The following RIN2 variants were observed in gnomAD, a reference collection of about 807,000 sequenced individuals.
RIN2 encodes RAB5 interacting protein 2.
Under a neutral mutation model 78.0 loss-of-function variants are expected in RIN2, and 36 were observed. The observed-to-expected ratio is 0.46, with a 90% CI of 0.35 to 0.61. The LOEUF (loss-of-function observed/expected upper bound fraction) is 0.61. RIN2 is among the 20% of genes least tolerant of loss of function. RIN2 has a pLI of 0.00. For synonymous variants in RIN2, 466 were observed against 466.8 expected, an observed-to-expected ratio of 1.00 and a Z score of 0.02; for missense variants, 1,087 against 1,159.7, an observed-to-expected ratio of 0.94 and a Z score of 0.91.
chr20:19,977,832 G>T lies in RIN2; in HGVS notation c.1762+2045G>T, dbSNP rs549290685. Among the ~76,000 whole-genome samples, 3 of 152,252 alleles carry T rather than the reference G, an allele frequency of 2.0e-5. No homozygotes were observed. In the South Asian group the frequency reaches 6.2e-4, roughly 32 times the overall value. On this transcript the variant is annotated intron_variant, in intron 9 of 12. Transcript: ENST00000255006. ...ATATGGCCTCCACAAGCATTGCCAT[G>T]CTTTTTCTGTGGGTTTGTTTGGTTT...
intron 2 of RIN2, among the ~76,000 whole-genome samples, chr20:19,863,312 C>T (rs1432784216): frequency 4.6e-5 from 7 of 152,168 alleles, no homozygotes; most frequent in Admixed American, 6.5e-5. Context: ...AGATGTTGTG[C>T]GTTACATGAA....
chr20:19,797,661 CTGTG>C (rs1017645130), intron 1 of RIN2, among the ~76,000 whole-genome samples: 1 of 152,058 alleles, frequency 6.6e-6, no homozygotes, highest in African/African-American at 2.4e-5. Flanking sequence ...GTAGTCCTAT[CTGTG>C]TGTGAAGCAG....
At chr20:19,797,745 C>T (rs1478191076) in intron 1 of RIN2, among the ~76,000 whole-genome samples, 1 of 152,046 alleles carries the variant, frequency 6.6e-6, no homozygotes, top group African/African-American at 2.4e-5. Context: ...TTAAATGATT[C>T]CTGAAAAATG....
At chr20:19,914,217 C>G (rs1297096833) in intron 3 of RIN2, among the ~76,000 whole-genome samples, 1 of 152,160 alleles carries the variant, frequency 6.6e-6, no homozygotes, top group Non-Finnish European at 1.5e-5. Flanking sequence ...TTCTTATTGT[C>G]TGTCTCATTT....
intron 2 of RIN2, among the ~76,000 whole-genome samples, chr20:19,844,669 C>CTTCTTCTTCCTCTT (rs1232176696): frequency 2.5e-4 from 19 of 76,244 alleles, no homozygotes; most frequent in African/African-American, 1.2e-3. Flanking sequence ...TCTTCTTCTT[C>CTTCTTCTTCCTCTT]CTTCTTCTTC....
intron 1 of RIN2, among the ~76,000 whole-genome samples, chr20:19,765,490 C>G (rs1264503324): frequency 6.6e-6 from 1 of 152,136 alleles, no homozygotes; most frequent in Non-Finnish European, 1.5e-5. Flanking sequence ...TTCATTTGCA[C>G]TCATGTGTGT....
In RIN2 at chr20:20,000,766, G is replaced by A. The variant is rs188424417; in HGVS notation, c.2518G>A (p.Val840Ile). Residue 840 changes from valine (V) to isoleucine (I), a missense_variant, in exon 13 of 13, where the codon GTT (valine) becomes ATT (isoleucine). This residue lies in a region of RIN2 where 160 missense variants were observed against 179.4 expected (regional missense o/e 0.89). Transcript: ENST00000255006. Reference sequence around the variant, plus strand: ...TGAGGAGTACAGCCTCTTTCTCTTCGTTGACGAGACATGGCAGCAGCTGGC... The same window carrying A: ...TGAGGAGTACAGCCTCTTTCTCTTCATTGACGAGACATGGCAGCAGCTGGC... ...DPEEYSLFLF[V>I]DETWQQLAED... 189 of 1,613,922 alleles carry A rather than the reference G, an allele frequency of 1.2e-4. No homozygotes were observed. Among genetic ancestry groups the A allele is most frequent in the Admixed American group, 3.8e-4 (23 of 60,010 alleles).
In RIN2 at chr20:19,822,545, C is replaced by T. The variant is rs184527850; in HGVS notation, c.-37+22798C>T. On this transcript the variant is annotated intron_variant, in intron 2 of 12. Transcript: ENST00000255006. ...CTGATCCCCTCCAAATGTCTTCATT[C>T]CATCCGGTATTAGAATTACTTACAG... Among the ~76,000 whole-genome samples, 1,072 of 152,248 alleles carry T rather than the reference C, an allele frequency of 7.0e-3. 5 individuals carry two copies. The highest frequency in any genetic ancestry group is 0.012 in the Non-Finnish European group (802 of 68,018).
chr20:19,974,949 ACCCAGG>A lies in RIN2; in HGVS notation c.928_933del (p.Arg310_Pro311del). On this transcript the variant is annotated inframe_deletion, in exon 9 of 13. Coordinates refer to ENST00000255006, the MANE Select transcript of RIN2 (RefSeq NM_018993.4). ...GCACGGAGCGGACTCGGTCCCCCCC[ACCCAGG>A]CCCCCGCCACCCGCTATTAATAGTC... 1.0e-5 allele frequency: 7 copies of A among 677,276 alleles called. No homozygotes were observed. Among genetic ancestry groups the A allele is most frequent in the Non-Finnish European group, 1.4e-5 (7 of 486,898 alleles). 42.0% of individuals were successfully genotyped at this position (677,276 alleles called of 1,614,324 possible). A position where few individuals can be genotyped will look rare whatever the true frequency, so the allele number is the denominator to read the frequency against.
At chr20:19,844,703 CTTCTTCTTCTTCTT>C (rs2036722738) in intron 2 of RIN2, among the ~76,000 whole-genome samples, 1 of 11,530 alleles carries the variant, frequency 8.7e-5, no homozygotes, top group Non-Finnish European at 2.4e-4. Flanking sequence ...TCTTCCTCTT[CTTCTTCTTCTTCTT>C]CTTCTTCTTC....
chr20:19,948,596 T>TG (rs1343497870), intron 4 of RIN2, among the ~76,000 whole-genome samples: 1 of 152,072 alleles, frequency 6.6e-6, no homozygotes, highest in Non-Finnish European at 1.5e-5. Flanking sequence ...GGTTTCACCA[T>TG]GTTGGCCAGG....
intron 2 of RIN2, among the ~76,000 whole-genome samples, chr20:19,856,624 A>AGAAGGAAG (rs369374955): frequency 6.7e-6 from 1 of 149,282 alleles, no homozygotes; most frequent in African/African-American, 2.5e-5. Flanking sequence ...AAGGAAGGAA[A>AGAAGGAAG]GAAGGAAGGA....
At chr20:19,921,463 C>T (rs1202925293) in intron 3 of RIN2, among the ~76,000 whole-genome samples, 1 of 152,150 alleles carries the variant, frequency 6.6e-6, no homozygotes, top group Admixed American at 6.5e-5. Context: ...GAGAAGTCAC[C>T]AAGAGGAAGG....
intron 3 of RIN2, among the ~76,000 whole-genome samples, chr20:19,922,665 T>C (rs1468140717): frequency 1.3e-5 from 2 of 152,178 alleles, no homozygotes; most frequent in South Asian, 2.1e-4. Context: ...TTCTGTCCAC[T>C]GTAAGTCCAT....
chr20:19,938,650 C>T (rs912144618), intron 4 of RIN2, among the ~76,000 whole-genome samples: 1 of 152,180 alleles, frequency 6.6e-6, no homozygotes, highest in Non-Finnish European at 1.5e-5. Flanking sequence ...AACAGAGTTA[C>T]CTCACAGTGT....
intron 2 of RIN2, among the ~76,000 whole-genome samples, chr20:19,884,648 C>T (rs2038125303): frequency 6.6e-6 from 1 of 152,096 alleles, no homozygotes; most frequent in Admixed American, 6.6e-5. Context: ...TCTTTCAATT[C>T]ACATAGTTCG....
intron 2 of RIN2, among the ~76,000 whole-genome samples, chr20:19,821,212 C>T (rs1049647779): frequency 5.3e-5 from 8 of 152,196 alleles, no homozygotes; most frequent in African/African-American, 1.9e-4. Flanking sequence ...CCTACAGGCT[C>T]CTCAAATTTA....
chr20:19,869,870 A>C (rs1196445741), intron 2 of RIN2, among the ~76,000 whole-genome samples: 1 of 151,532 alleles, frequency 6.6e-6, no homozygotes, highest in Non-Finnish European at 1.5e-5. Context: ...CCCAGATGAC[A>C]GTGCTGGACC....
Position 19,989,839 on chromosome 20 carries a change from G to A in RIN2, c.1763-167G>A, listed in dbSNP as rs534850695. Among the ~76,000 whole-genome samples, 92 of 152,342 alleles carry A rather than the reference G, an allele frequency of 6.0e-4. 2 individuals are homozygous for A. In the South Asian group the frequency reaches 0.018, roughly 29 times the overall value. ...GCTTTTCAGAGAAAAATGTTAACATGTGAGTTATGGCGCTGCTTGGTGTTG... is the reference window on the plus strand; with the variant it reads ...GCTTTTCAGAGAAAAATGTTAACATATGAGTTATGGCGCTGCTTGGTGTTG... On this transcript the variant is annotated intron_variant, in intron 9 of 12. Coordinates refer to ENST00000255006, the MANE Select transcript of RIN2 (RefSeq NM_018993.4).
Sources: allele counts gnomAD v4.1 joint callset (sites outside exome capture counted in the v4.1 genomes callset), GRCh38; gene constraint gnomAD v4.1.1; regional missense constraint gnomAD v4.1.1; transcripts MANE v1.5; gene names NCBI Gene and HGNC (gene_info 2026-07-23, HGNC 2026-07-21).